The following WASF1 variants were observed in gnomAD, a reference collection of about 807,000 sequenced individuals.
The protein encoded by WASF1 is WASP family member 1, also known as actin-binding protein WASF1.
WASF1 carries 7 observed loss-of-function variants against 50.5 expected under a neutral mutation model. The ratio of observed to expected loss-of-function variants is 0.14; its 90% CI spans 0.08 to 0.26. The LOEUF (loss-of-function observed/expected upper bound fraction) is 0.26, where lower values mean the gene tolerates loss of function less well. Ranked by LOEUF, WASF1 falls within the 10% of genes least tolerant of loss-of-function variation. The pLI, the probability that WASF1 is intolerant of heterozygous loss-of-function variation, is 1.00. For synonymous variants in WASF1, 205 were observed against 244.0 expected (o/e 0.84, Z 1.49); for missense variants, 470 against 694.7 (o/e 0.68, Z 3.64).
intron 2 of WASF1, among the ~76,000 whole-genome samples, chr6:110,162,883 C>T (rs995245072): frequency 4.0e-5 from 6 of 151,484 alleles, no homozygotes; most frequent in South Asian, 2.1e-4. Context: ...AATATCACAC[C>T]GAAAGTCTTA....
At chr6:110,137,917 G>C (rs1322928203) in intron 3 of WASF1, among the ~76,000 whole-genome samples, 1 of 152,188 alleles carries the variant, frequency 6.6e-6, no homozygotes, top group African/African-American at 2.4e-5. Context: ...GTATCACAGG[G>C]TCCTTAGGGT....
chr6:110,166,839 T>C (rs756757789), intron 2 of WASF1, among the ~76,000 whole-genome samples: 3 of 151,972 alleles, frequency 2.0e-5, no homozygotes, highest in Non-Finnish European at 2.9e-5. Flanking sequence ...ATACAATGAT[T>C]AGCATAAAGC....
rs991226887 is a variant in WASF1, at chr6:110,102,149, T to G, written c.961A>C (p.Ser321Arg). 2 of 1,478,554 alleles carry G rather than the reference T, an allele frequency of 1.4e-6. No homozygotes were observed. Among genetic ancestry groups the G allele is most frequent in the Non-Finnish European group, 1.8e-6 (2 of 1,114,498 alleles). 91.6% of individuals were successfully genotyped at this position (1,478,554 alleles called of 1,614,324 possible). Residue 321 changes from serine (S) to arginine (R), a missense_variant, in exon 10 of 11, where the codon AGC (serine) becomes CGC (arginine). Around this residue, in one of 3 missense-constraint regions of WASF1, gnomAD observed 294 missense variants for 343.5 expected, o/e 0.86. Transcript: ENST00000392589. ...GGTGGAGGAGGTGGGGGAGTGGGGCTCACAAACACAGGTGTTCTGCCTGTA... is the reference window on the plus strand; with the variant it reads ...GGTGGAGGAGGTGGGGGAGTGGGGCGCACAAACACAGGTGTTCTGCCTGTA... ...PATGRTPVFV[S>R]PTPPPPPPPL...
intron 4 of WASF1, among the ~76,000 whole-genome samples, chr6:110,115,928 G>A (rs1052018334): frequency 6.6e-6 from 1 of 152,204 alleles, no homozygotes; most frequent in African/African-American, 2.4e-5. Context: ...GCGTGGCAAG[G>A]TATGGATCTT....
intron 7 of WASF1, 79 bp from the exon 8 acceptor site, chr6:110,105,658 C>T (rs2114456965): frequency 8.2e-6 from 11 of 1,345,250 alleles, no homozygotes; most frequent in Non-Finnish European, 1.1e-5. Context: ...TCAAATTAAA[C>T]TCTAACATCA....
At chr6:110,173,344 C>A (rs1364747168) in intron 2 of WASF1, among the ~76,000 whole-genome samples, 1 of 152,132 alleles carries the variant, frequency 6.6e-6, no homozygotes, top group African/African-American at 2.4e-5. Context: ...ACTTTGCTGT[C>A]ATCATCATCC....
chr6:110,132,775 GA>G (rs1774742754), intron 3 of WASF1, among the ~76,000 whole-genome samples: 1 of 151,850 alleles, frequency 6.6e-6, no homozygotes, highest in South Asian at 2.1e-4. Context: ...TTATGAGTGA[GA>G]ACATACAATG....
chr6:110,144,953 G>C (rs561871310), intron 3 of WASF1, among the ~76,000 whole-genome samples: 27 of 152,148 alleles, frequency 1.8e-4, no homozygotes, highest in African/African-American at 6.5e-4. Flanking sequence ...CTCTTTTTTG[G>C]TTCCATATGA....
chr6:110,133,140 G>C (rs560755101), intron 3 of WASF1, among the ~76,000 whole-genome samples: 1 of 151,858 alleles, frequency 6.6e-6, no homozygotes, highest in East Asian at 2.0e-4. Context: ...TCCACTTGTC[G>C]AATGATAAGC....
At chr6:110,178,573 A>G (rs892186003) in intron 2 of WASF1, 25 bp downstream of exon 2, 2 of 152,614 alleles carry the variant, frequency 1.3e-5, no homozygotes, top group African/African-American at 4.8e-5. Flanking sequence ...AAAGGAAATG[A>G]TTAGAGTAAG....
At chr6:110,123,805 A>G (rs776407536) in intron 4 of WASF1, among the ~76,000 whole-genome samples, 8 of 152,330 alleles carry the variant, frequency 5.3e-5, no homozygotes, top group Admixed American at 2.6e-4. Flanking sequence ...AAAGTTACTC[A>G]TTTATTCAAC....
chr6:110,150,251 T>C (rs4947049), intron 3 of WASF1, among the ~76,000 whole-genome samples: 5,004 of 151,980 alleles, frequency 0.033, 149 homozygotes, highest in South Asian at 0.12. Context: ...TACAAAATAA[T>C]CAGGAAGCAA....
chr6:110,169,200 C>G (rs910129339), intron 2 of WASF1, among the ~76,000 whole-genome samples: 1 of 152,108 alleles, frequency 6.6e-6, no homozygotes, highest in African/African-American at 2.4e-5. Flanking sequence ...ATTACTTACA[C>G]AAACTTAAAC....
intron 3 of WASF1, among the ~76,000 whole-genome samples, chr6:110,134,744 C>T (rs1485801268): frequency 1.3e-5 from 2 of 152,054 alleles, no homozygotes; most frequent in Non-Finnish European, 2.9e-5. Context: ...TATTTTTATA[C>T]CAGTACCATG....
chr6:110,126,863 C>T (rs1318371860), intron 4 of WASF1, among the ~76,000 whole-genome samples: 1 of 152,190 alleles, frequency 6.6e-6, no homozygotes, highest in East Asian at 1.9e-4. Context: ...GCCTCTTTCA[C>T]TGGCCTTTAT....
At chr6:110,139,683 C>T (rs1775135235) in intron 3 of WASF1, among the ~76,000 whole-genome samples, 1 of 152,160 alleles carries the variant, frequency 6.6e-6, no homozygotes, top group African/African-American at 2.4e-5. Context: ...CAATCCATCC[C>T]ACACCACTGC....
chr6:110,105,388 A>G lies in WASF1; in HGVS notation c.713+19T>C. ...GCCAATGTTTTATCATTTAAAAAAAAAAACAAAAGTAAAGAAACCTTGTTT... is the reference window on the plus strand; with the variant it reads ...GCCAATGTTTTATCATTTAAAAAAAGAAACAAAAGTAAAGAAACCTTGTTT... On this transcript the variant is annotated intron_variant, in intron 8 of 10. Coordinates refer to ENST00000392589, the MANE Select transcript of WASF1 (RefSeq NM_003931.3). 1 of 1,577,940 alleles carries G rather than the reference A, an allele frequency of 6.3e-7. No homozygotes were observed. Among genetic ancestry groups the G allele is most frequent in the Non-Finnish European group, 8.6e-7 (1 of 1,167,400 alleles).
At position 110,099,990 on chromosome 6, in the gene WASF1, A is replaced by T. The variant is rs751398231; in HGVS notation, c.*532T>A. ...GGAAGGGGATACTGCTAAACATTCA[A>T]ATAAGGCAAGTATATAAAAACAATA... On this transcript the variant is annotated 3_prime_UTR_variant, in exon 11 of 11. Transcript: ENST00000392589. The T allele has an allele frequency of 6.5e-6, 1 of 152,730 alleles. No homozygotes were observed. The highest frequency in any genetic ancestry group is 2.1e-4 in the South Asian group (1 of 4,836). The allele number at this position is 152,730 out of a possible 1,614,324, so 9.5% of individuals were successfully genotyped here. A position where few individuals can be genotyped will look rare whatever the true frequency, so the allele number is the denominator to read the frequency against.
chr6:110,128,263 C>T (rs917429230), intron 3 of WASF1, among the ~76,000 whole-genome samples: 2 of 152,138 alleles, frequency 1.3e-5, no homozygotes, highest in African/African-American at 4.8e-5. Flanking sequence ...ATGTCAGCTG[C>T]TGCATGGTGA....
Sources: gnomAD v4.1 joint callset for allele counts (sites outside exome capture counted in the v4.1 genomes callset) on GRCh38, gnomAD v4.1.1 for gene constraint, gnomAD v4.1.1 regional missense constraint, MANE v1.5 for transcripts, NCBI Gene and HGNC (gene_info 2026-07-23, HGNC 2026-07-21) for gene names.